Variants in YBX3 observed in about 807,000 individuals in gnomAD.
YBX3 encodes the protein Y-box binding protein 3.
Under a neutral mutation model 42.4 loss-of-function variants are expected in YBX3, and 29 were observed. The observed-to-expected ratio is 0.68, with a 90% CI of 0.51 to 0.93. The LOEUF (loss-of-function observed/expected upper bound fraction) is 0.93. Among genes scored for constraint, YBX3 ranks in the 40% least tolerant of loss-of-function variants. YBX3 has a pLI of 0.00. For synonymous variants in YBX3, 195 were observed against 189.8 expected (o/e 1.03, Z -0.22); for missense variants, 517 against 527.5 (o/e 0.98, Z 0.19).
chr12:10,718,055 C>A (rs778071933), intron 3 of YBX3, 33 bp downstream of exon 3: 20 of 1,584,896 alleles, frequency 1.3e-5, no homozygotes, highest in Non-Finnish European at 1.7e-5. Context: ...CCTCTCCTCA[C>A]ATAGCAAATG....
At chr12:10,713,127 G>A in intron 5 of YBX3, 84 bp downstream of exon 5, 1 of 1,386,264 alleles carries the variant, frequency 7.2e-7, no homozygotes. Flanking sequence ...AGAAGACAAG[G>A]CATTTATCTG....
intron 7 of YBX3, chr12:10,702,880 T>A (rs1301332756): frequency 1.3e-5 from 2 of 152,230 alleles, no homozygotes; most frequent in Non-Finnish European, 2.9e-5. Flanking sequence ...ATTTGAATGG[T>A]AATTCTGTGG....
At chr12:10,719,732 T>TAA (rs541492529) in intron 1 of YBX3, among the ~76,000 whole-genome samples, 21 of 152,230 alleles carry the variant, frequency 1.4e-4, no homozygotes, top group Non-Finnish European at 2.8e-4. Flanking sequence ...AGACGTGATA[T>TAA]AACAGGTCTT....
intron 6 of YBX3, among the ~76,000 whole-genome samples, chr12:10,704,629 C>T (rs1011210577): frequency 7.5e-6 from 1 of 133,882 alleles, no homozygotes; most frequent in Non-Finnish European, 1.8e-5. Context: ...CTCAAAACAT[C>T]CCTTCCTCCC....
chr12:10,704,711 C>G (rs1340899627), intron 6 of YBX3, among the ~76,000 whole-genome samples: 4 of 152,174 alleles, frequency 2.6e-5, no homozygotes, highest in African/African-American at 9.7e-5. Context: ...TTTCCACGTT[C>G]TCATTAGCAA....
At chr12:10,709,523 T>G (rs181705850) in intron 6 of YBX3, among the ~76,000 whole-genome samples, 1 of 152,350 alleles carries the variant, frequency 6.6e-6, no homozygotes, top group African/African-American at 2.4e-5. Context: ...ACTTAATGGA[T>G]GAACTTAATC....
At chr12:10,709,763 T>C (rs1948177143) in intron 6 of YBX3, 145 bp downstream of exon 6, 1 of 995,060 alleles carries the variant, frequency 1.0e-6, no homozygotes, top group Non-Finnish European at 1.6e-6. Flanking sequence ...AAAAACAGAC[T>C]GAAGGCCTTG....
intron 7 of YBX3, 81 bp downstream of exon 7, chr12:10,703,970 C>A: frequency 2.2e-6 from 3 of 1,367,684 alleles, no homozygotes; most frequent in South Asian, 2.4e-5. Flanking sequence ...AATAAATCCA[C>A]AAAACGGAAC....
chr12:10,714,858 A>T (rs1006964078), intron 4 of YBX3, among the ~76,000 whole-genome samples: 1 of 151,822 alleles, frequency 6.6e-6, no homozygotes, highest in Non-Finnish European at 1.5e-5. Context: ...GGTTCAAACG[A>T]TTCTCCTGCC....
At chr12:10,714,256 T>A (rs974542935) in intron 4 of YBX3, among the ~76,000 whole-genome samples, 1 of 152,222 alleles carries the variant, frequency 6.6e-6, no homozygotes, top group Admixed American at 6.5e-5. Context: ...ATTAGGAACA[T>A]GACCTATGGA....
chr12:10,708,145 A>G (rs1182001405), intron 6 of YBX3, among the ~76,000 whole-genome samples: 3 of 152,196 alleles, frequency 2.0e-5, no homozygotes, highest in East Asian at 1.9e-4. Context: ...CCTCCATCAT[A>G]TAATTATTTT....
At chr12:10,718,467 C>A in intron 2 of YBX3, 1 of 221,828 alleles carries the variant, frequency 4.5e-6, no homozygotes, top group Non-Finnish European at 8.8e-6. Flanking sequence ...AAGGACAGGG[C>A]ACAGCTGTGA....
intron 6 of YBX3, 53 bp downstream of exon 6, chr12:10,709,855 A>AG: frequency 6.2e-7 from 1 of 1,600,046 alleles, no homozygotes; most frequent in Non-Finnish European, 8.6e-7. Context: ...GAGGAGGCAG[A>AG]GAAGGACGGA....
At chr12:10,710,402 C>A (rs778144999) in intron 5 of YBX3, 2 of 1,330,606 alleles carry the variant, frequency 1.5e-6, no homozygotes, top group Non-Finnish European at 1.9e-6. Context: ...TATCAGCTAA[C>A]CAACCACCCG....
At chr12:10,703,864 T>C (rs575471084) in intron 7 of YBX3, 187 bp downstream of exon 7, 2 of 542,768 alleles carry the variant, frequency 3.7e-6, no homozygotes, top group East Asian at 3.0e-5. Flanking sequence ...GGCGCAGAGA[T>C]AACTAAAAAT....
intron 4 of YBX3, 59 bp downstream of exon 4, chr12:10,715,635 T>C: frequency 7.0e-7 from 1 of 1,423,406 alleles, no homozygotes; most frequent in Middle Eastern, 1.8e-4. Flanking sequence ...GATAGATAAT[T>C]TATTGTGCAA....
intron 6 of YBX3, among the ~76,000 whole-genome samples, chr12:10,705,091 G>GT (rs549549454): frequency 1.1e-4 from 17 of 151,952 alleles, no homozygotes; most frequent in Admixed American, 2.6e-4. Flanking sequence ...GTTTGGAGCA[G>GT]TTTTTTTTAA....
At chr12:10,715,366 T>A (rs1232472581) in intron 4 of YBX3, among the ~76,000 whole-genome samples, 1 of 151,536 alleles carries the variant, frequency 6.6e-6, no homozygotes, top group Admixed American at 6.6e-5. Flanking sequence ...GCCAACATGG[T>A]GAAACCCCGT....
rs535316169 is a variant in YBX3, at chr12:10,705,488, G to GT, written c.781-1341dup. ...TGGTGTTCACTAATGATTAGATATT[G>GT]TTTTTGCATCCCCAGGGGGATGTCA... On this transcript the variant is annotated intron_variant, in intron 6 of 9. Coordinates refer to ENST00000228251, the MANE Select transcript of YBX3 (RefSeq NM_003651.5). Among the ~76,000 whole-genome samples the GT allele has an allele frequency of 7.9e-5, 12 of 152,234 alleles. No homozygotes were observed. In the South Asian group the frequency reaches 2.5e-3, roughly 32 times the overall value.
Sources: gnomAD v4.1 joint callset for allele counts (sites outside exome capture counted in the v4.1 genomes callset) on GRCh38, gnomAD v4.1.1 for gene constraint, MANE v1.5 for transcripts, NCBI Gene and HGNC (gene_info 2026-07-23, HGNC 2026-07-21) for gene names.